CIP2A: variants seen among roughly 807,000 people sequenced by gnomAD.
CIP2A encodes cellular inhibitor of PP2A.
Under a neutral mutation model 110.9 loss-of-function variants are expected in CIP2A, and 103 were observed. The observed-to-expected ratio is 0.93, with a 90% CI of 0.79 to 1.09. CIP2A has a LOEUF of 1.09. CIP2A is among the 50% of genes least tolerant of loss of function. The pLI, the probability that CIP2A is intolerant of heterozygous loss-of-function variation, is 0.00. For missense variants in CIP2A, 1,088 were observed against 1,038.4 expected, an observed-to-expected ratio of 1.05 and a Z score of -0.66; for synonymous variants, 381 against 361.6, an observed-to-expected ratio of 1.05 and a Z score of -0.61.
intron 8 of CIP2A, among the ~76,000 whole-genome samples, chr3:108,575,423 TGTATACA>T (rs1938554354): frequency 1.0e-5 from 1 of 95,622 alleles, no homozygotes; most frequent in African/African-American, 2.9e-5. Context: ...TACATATACA[TGTATACA>T]TACACATACA....
intron 11 of CIP2A, among the ~76,000 whole-genome samples, chr3:108,566,075 T>C (rs992536782): frequency 2.6e-5 from 4 of 151,726 alleles, no homozygotes; most frequent in Non-Finnish European, 5.9e-5. Context: ...CCATAATTCC[T>C]GACCTGCCAA....
chr3:108,557,530 G>A, intron 16 of CIP2A, 116 bp from the exon 17 acceptor site: 2 of 698,116 alleles, frequency 2.9e-6, no homozygotes, highest in Non-Finnish European at 4.4e-6. Flanking sequence ...GTTGGGTCAT[G>A]CAAAGCTGTA....
chr3:108,569,461 C>A lies in CIP2A; in HGVS notation c.1041G>T (p.Trp347Cys). ...CTGATCCGTCCAAAGGTTGGCTTAACCAGCGCAGTAGAGCCACAGTAGGTT... is the reference window on the plus strand; with the variant it reads ...CTGATCCGTCCAAAGGTTGGCTTAAACAGCGCAGTAGAGCCACAGTAGGTT... ...CLEPTVALLRWLSQPLDGSEN... is the reference protein window; with the variant it reads ...CLEPTVALLRCLSQPLDGSEN... The change falls in exon 9 of 21, where the codon TGG becomes TGT. Residue 347 changes from tryptophan (W) to cysteine (C), a missense_variant. Physicochemically the swap from Trp to Cys is radical, Grantham distance 215. Transcript: ENST00000295746. 1 of 1,612,806 alleles carries A rather than the reference C, an allele frequency of 6.2e-7. No homozygotes were observed. The highest frequency in any genetic ancestry group is 8.5e-7 in the Non-Finnish European group (1 of 1,179,320).
At chr3:108,587,980 G>A (rs1320229324) in intron 1 of CIP2A, among the ~76,000 whole-genome samples, 1 of 152,084 alleles carries the variant, frequency 6.6e-6, no homozygotes, top group Non-Finnish European at 1.5e-5. Flanking sequence ...GGTTTCGCAT[G>A]TTGGTCAGGC....
intron 9 of CIP2A, among the ~76,000 whole-genome samples, 194 bp downstream of exon 9, chr3:108,569,195 T>G (rs1402014723): frequency 1.5e-5 from 2 of 130,946 alleles, no homozygotes; most frequent in Non-Finnish European, 3.3e-5. Flanking sequence ...TACACACTAC[T>G]CAGTGAAAAA....
rs766889273 is a variant in CIP2A, at chr3:108,576,277, A to C, written c.888T>G (p.Ser296=). 1 of 1,552,178 alleles carries C rather than the reference A, an allele frequency of 6.4e-7. No individual in the cohort carries two copies. The highest frequency in any genetic ancestry group is 1.2e-5 in the South Asian group (1 of 81,348). Residue 296 remains serine, a synonymous_variant, in exon 8 of 21, where the codon TCT becomes TCG. Coordinates refer to ENST00000295746, the MANE Select transcript of CIP2A (RefSeq NM_020890.3). ...GLLNGKDPDS[S]SKVLELLLAF... ...AAGTCATGTTTTTACATACCTTTGA[A>C]GAGGAATCAGGATCCTTTCCATTAA... is the stretch of plus-strand genomic sequence containing the variant.
In CIP2A at chr3:108,569,370, C is replaced by G. The variant is rs373933666; in HGVS notation, c.1113+19G>C. ...GAGTCACAAAAGTAGAAAAGTCAAT[C>G]TGTCAGTCATCCTATTACCTCAAAT... On this transcript the variant is annotated intron_variant, in intron 9 of 20. Coordinates refer to ENST00000295746, the MANE Select transcript of CIP2A (RefSeq NM_020890.3). 6.4e-7 allele frequency: 1 copy of G among 1,559,294 alleles called. No individual in the cohort carries two copies. The highest frequency in any genetic ancestry group is 8.8e-7 in the Non-Finnish European group (1 of 1,131,492).
intron 1 of CIP2A, among the ~76,000 whole-genome samples, chr3:108,587,464 G>A (rs941683852): frequency 1.3e-5 from 2 of 152,144 alleles, no homozygotes; most frequent in African/African-American, 4.8e-5. Flanking sequence ...TATGTGAAGA[G>A]GCAATGAAGA....
At chr3:108,565,865 T>C (rs1481511238) in intron 11 of CIP2A, among the ~76,000 whole-genome samples, 1 of 151,788 alleles carries the variant, frequency 6.6e-6, no homozygotes, top group African/African-American at 2.4e-5. Flanking sequence ...TACCTGAAAG[T>C]AGTATACAAA....
chr3:108,578,663 A>G (rs1938761049), intron 7 of CIP2A, among the ~76,000 whole-genome samples: 1 of 152,192 alleles, frequency 6.6e-6, no homozygotes, highest in South Asian at 2.1e-4. Context: ...AGGATGACAA[A>G]GCAGCATAGG....
chr3:108,579,077 A>G (rs565566739), intron 7 of CIP2A, among the ~76,000 whole-genome samples: 10 of 152,282 alleles, frequency 6.6e-5, no homozygotes, highest in Admixed American at 5.9e-4. Flanking sequence ...ACTGAAATAC[A>G]CACATAGACA....
At chr3:108,573,370 G>T (rs1938462258) in intron 8 of CIP2A, among the ~76,000 whole-genome samples, 1 of 151,888 alleles carries the variant, frequency 6.6e-6, no homozygotes, top group Non-Finnish European at 1.5e-5. Context: ...CCACCAAGAT[G>T]TATTTTGCTT....
At position 108,560,844 on chromosome 3, in the gene CIP2A, G is replaced by A; in HGVS notation, c.1635-3C>T. ...TTGCTGCTATACTTTCTCCAAGTCT[G>A]AATGGGAGTCAAAGAAAGGAAAAAA... On this transcript the variant is annotated splice_region_variant and splice_polypyrimidine_tract_variant and intron_variant, in intron 13 of 20. Coordinates refer to ENST00000295746, the MANE Select transcript of CIP2A (RefSeq NM_020890.3). 1.3e-6 allele frequency: 2 copies of A among 1,526,522 alleles called. No homozygotes were observed. Among genetic ancestry groups the A allele is most frequent in the Non-Finnish European group, 8.8e-7 (1 of 1,136,604 alleles). 94.6% of individuals were successfully genotyped at this position (1,526,522 alleles called of 1,614,324 possible).
Position 108,589,361 on chromosome 3 carries a change from G to A in CIP2A, c.15C>T (p.Ala5=), listed in dbSNP as rs1307079516. 3.1e-6 allele frequency: 5 copies of A among 1,613,344 alleles called. No homozygotes were observed. The highest frequency in any genetic ancestry group is 2.2e-5 in the South Asian group (2 of 90,886). Residue 5 remains alanine, a synonymous_variant, in exon 1 of 21, where the codon GCC becomes GCT. Transcript: ENST00000295746. MDST[A]CLKSLLLTVS... ...CAGTCAGGAGCAAGGACTTCAAGCAGGCAGTGGAGTCCATTGCACCGGCCG... is the reference window on the plus strand; with the variant it reads ...CAGTCAGGAGCAAGGACTTCAAGCAAGCAGTGGAGTCCATTGCACCGGCCG...
chr3:108,553,894 TATAAAAA>T lies in CIP2A; in HGVS notation c.2325-171_2325-165del, dbSNP rs1350921502. Among the ~76,000 whole-genome samples the T allele has an allele frequency of 2.6e-4, 13 of 49,706 alleles. 2 individuals carry two copies. Among genetic ancestry groups the T allele is most frequent in the Non-Finnish European group, 4.4e-4 (11 of 25,138 alleles). The allele number at this position is 49,706 out of a possible 152,430, so 32.6% of individuals were successfully genotyped here. On this transcript the variant is annotated intron_variant, in intron 18 of 20. Transcript: ENST00000295746. ...GGTGAAACCCCGTCTCTACTAAAAA[TATAAAAA>T]AAAAAAAAAAAAAAAAAAGGTCTCG...
intron 7 of CIP2A, 106 bp from the exon 8 acceptor site, chr3:108,576,452 T>C (rs1257543955): frequency 1.7e-6 from 1 of 589,332 alleles, no homozygotes; most frequent in East Asian, 3.4e-5. Flanking sequence ...TTTTCTTTCA[T>C]CTATTTATTT....
rs1398897288 is a variant in CIP2A at position 108,563,209 on chromosome 3, T to C, written c.1551A>G (p.Leu517=). ...GTACTTGTTCTCTATTATCTGACGT[T>C]AAAGCAAAAGCCAAAGGAGTAATCA... ...PRLITPLAFA[L]TSDNREQVQS... is the part of the protein sequence containing the mutation. The change falls in exon 13 of 21, where the codon TTA becomes TTG. Residue 517 remains leucine, a synonymous_variant. Coordinates refer to ENST00000295746, the MANE Select transcript of CIP2A (RefSeq NM_020890.3). The C allele has an allele frequency of 1.2e-6, 2 of 1,612,476 alleles. No homozygotes were observed. The highest frequency in any genetic ancestry group is 1.3e-5 in the African/African-American group (1 of 74,818).
chr3:108,575,495 T>A (rs116021261), intron 8 of CIP2A, among the ~76,000 whole-genome samples: 2 of 142,328 alleles, frequency 1.4e-5, no homozygotes, highest in Non-Finnish European at 3.0e-5. Context: ...TGCACACATA[T>A]GTATATATGT....
Position 108,552,310 on chromosome 3 carries a change from T to C in CIP2A, c.2471A>G (p.Asp824Gly), listed in dbSNP as rs200982007. Residue 824 changes from aspartate (D) to glycine (G), a missense_variant, in exon 20 of 21, where the codon GAT (aspartate) becomes GGT (glycine). By Grantham distance (94) the Asp-to-Gly change is moderately conservative. Transcript: ENST00000295746. Reference protein sequence around the residue: ...KIKTLQKEREDKEETIDILRK... With the variant: ...KIKTLQKEREGKEETIDILRK... Reference sequence around the variant, plus strand: ...AAGGATATCAATGGTTTCTTCCTTATCTTCCCTTTCCTTTTGTAAGGTTTT... The same window carrying C: ...AAGGATATCAATGGTTTCTTCCTTACCTTCCCTTTCCTTTTGTAAGGTTTT... 1.3e-6 allele frequency: 2 copies of C among 1,559,764 alleles called. No homozygotes were observed. The highest frequency in any genetic ancestry group is 1.4e-5 in the African/African-American group (1 of 72,328).
Sources: gnomAD v4.1 joint callset for allele counts (sites outside exome capture counted in the v4.1 genomes callset) on GRCh38, gnomAD v4.1.1 for gene constraint, MANE v1.5 for transcripts, NCBI Gene and HGNC (gene_info 2026-07-23, HGNC 2026-07-21) for gene names.